Variants in RASEF observed in about 807,000 individuals in gnomAD.
The protein encoded by RASEF is RAS and EF-hand domain containing.
A neutral mutation model predicts 90.1 loss-of-function variants in RASEF; 68 were observed. That is an observed-to-expected ratio of 0.75 (90% confidence interval 0.62 to 0.92). The LOEUF (loss-of-function observed/expected upper bound fraction) is 0.92. Among genes scored for constraint, RASEF ranks in the 40% least tolerant of loss-of-function variants. RASEF has a pLI of 0.00. For synonymous variants in RASEF, 331 were observed against 345.2 expected (o/e 0.96, Z 0.46); for missense variants, 949 against 937.2 (o/e 1.01, Z -0.16).
At chr9:83,082,005 G>A in the RASEF span, among the ~76,000 whole-genome samples, 136 of 152,242 alleles carry the variant, frequency 8.9e-4, no homozygotes, top group Non-Finnish European at 1.4e-3. Flanking sequence ...ACAAAAATGG[G>A]GATGTTGCCA....
chr9:83,194,981 T>A, the RASEF span, among the ~76,000 whole-genome samples: 1 of 152,232 alleles, frequency 6.6e-6, no homozygotes, highest in East Asian at 1.9e-4. Flanking sequence ...GGTTTCTTTA[T>A]CAGAGAATAG....
At chr9:83,011,199 C>T (rs1829236444) in intron 5 of RASEF, among the ~76,000 whole-genome samples, 1 of 151,988 alleles carries the variant, frequency 6.6e-6, no homozygotes. Context: ...CAGTGAAAGG[C>T]CTAGTGAAAA....
At chr9:83,123,307 C>A in the RASEF span, among the ~76,000 whole-genome samples, 1 of 151,296 alleles carries the variant, frequency 6.6e-6, no homozygotes, top group Non-Finnish European at 1.5e-5. Context: ...CAAGGTCATG[C>A]CTATCTATAA....
At chr9:83,155,767 C>A in the RASEF span, among the ~76,000 whole-genome samples, 5 of 152,290 alleles carry the variant, frequency 3.3e-5, no homozygotes, top group South Asian at 8.3e-4. Context: ...TGAGAATATT[C>A]TGGAACAAAC....
At chr9:83,048,513 C>G (rs1040392817) in intron 1 of RASEF, 2 of 984,888 alleles carry the variant, frequency 2.0e-6, no homozygotes, top group Non-Finnish European at 2.4e-6. Flanking sequence ...TCGTGCAGTC[C>G]TGGGCATACA....
chr9:83,003,803 C>T (rs929286842), intron 9 of RASEF, among the ~76,000 whole-genome samples: 2 of 152,074 alleles, frequency 1.3e-5, no homozygotes, highest in African/African-American at 2.4e-5. Flanking sequence ...AATAGAGAGT[C>T]GGAAACTTTT....
the RASEF span, among the ~76,000 whole-genome samples, chr9:83,207,190 G>A: frequency 6.6e-6 from 1 of 152,148 alleles, no homozygotes; most frequent in Non-Finnish European, 1.5e-5. Context: ...TGCTCCAAGA[G>A]AGTCTATCAC....
intron 14 of RASEF, among the ~76,000 whole-genome samples, chr9:82,993,587 T>C (rs975263405): frequency 2.0e-5 from 3 of 152,218 alleles, no homozygotes; most frequent in Non-Finnish European, 4.4e-5. Flanking sequence ...AGTTTGGAAG[T>C]TCCACACTCA....
At chr9:83,170,814 T>A in the RASEF span, among the ~76,000 whole-genome samples, 1 of 151,824 alleles carries the variant, frequency 6.6e-6, no homozygotes, top group Non-Finnish European at 1.5e-5. Flanking sequence ...TCTAACAGGT[T>A]TTTTTGGTGA....
chr9:83,107,629 T>C, the RASEF span, among the ~76,000 whole-genome samples: 223 of 152,316 alleles, frequency 1.5e-3, 1 homozygote, highest in African/African-American at 5.2e-3. Flanking sequence ...AACAGACATA[T>C]TTAACGCTTT....
chr9:83,110,027 C>A, the RASEF span, among the ~76,000 whole-genome samples: 1 of 151,864 alleles, frequency 6.6e-6, no homozygotes, highest in Admixed American at 6.6e-5. Context: ...ATAAGTTTAT[C>A]AAAAAAACAT....
At chr9:82,989,958 T>G (rs928140130) in intron 16 of RASEF, among the ~76,000 whole-genome samples, 1 of 152,368 alleles carries the variant, frequency 6.6e-6, no homozygotes, top group Admixed American at 6.5e-5. Context: ...TGCCTTAGCT[T>G]AATAATTACC....
chr9:83,214,128 C>T, the RASEF span, among the ~76,000 whole-genome samples: 28,325 of 152,142 alleles, frequency 0.19, 2,741 homozygotes, highest in Admixed American at 0.24. Flanking sequence ...GGCACAGTGG[C>T]TCACACCTGT....
intron 1 of RASEF, among the ~76,000 whole-genome samples, chr9:83,031,098 T>C (rs1829637602): frequency 2.0e-5 from 3 of 152,130 alleles, no homozygotes; most frequent in South Asian, 2.1e-4. Flanking sequence ...AAGAAAAAAA[T>C]GTTTGCATTG....
chr9:83,097,508 A>C, the RASEF span, among the ~76,000 whole-genome samples: 2 of 152,242 alleles, frequency 1.3e-5, no homozygotes, highest in Non-Finnish European at 2.9e-5. Context: ...TACTCATCTG[A>C]CAAAGGGCTA....
intron 16 of RASEF, among the ~76,000 whole-genome samples, chr9:82,986,538 G>C (rs1248123538): frequency 6.6e-6 from 1 of 152,200 alleles, no homozygotes; most frequent in Admixed American, 6.5e-5. Context: ...TTTTCATCTG[G>C]CCTTCAGCCA....
chr9:83,194,307 C>A, the RASEF span, among the ~76,000 whole-genome samples: 3 of 152,164 alleles, frequency 2.0e-5, no homozygotes, highest in Non-Finnish European at 4.4e-5. Flanking sequence ...GACCTTGACA[C>A]TTTGAGGAGT....
At chr9:83,166,849 T>C in the RASEF span, among the ~76,000 whole-genome samples, 19 of 152,256 alleles carry the variant, frequency 1.2e-4, no homozygotes, top group African/African-American at 4.6e-4. Flanking sequence ...ACCCCCAGTA[T>C]CAAACCTCAG....
chr9:83,109,824 C>T, the RASEF span, among the ~76,000 whole-genome samples: 2 of 152,016 alleles, frequency 1.3e-5, no homozygotes, highest in African/African-American at 4.8e-5. Flanking sequence ...TTATAAATTC[C>T]CCCCTCAATA....
Sources: allele counts gnomAD v4.1 joint callset (sites outside exome capture counted in the v4.1 genomes callset), GRCh38; gene constraint gnomAD v4.1.1; transcripts MANE v1.5; gene names NCBI Gene and HGNC (gene_info 2026-07-23, HGNC 2026-07-21).